LEMD3: variants seen among roughly 807,000 people sequenced by gnomAD.
LEMD3 encodes inner nuclear membrane protein Man1.
A neutral mutation model predicts 95.2 loss-of-function variants in LEMD3; 33 were observed. That is an observed-to-expected ratio of 0.35 (90% CI 0.26 to 0.46). LEMD3 has a LOEUF of 0.46. LEMD3 is among the 20% of genes least tolerant of loss of function. LEMD3 has a pLI of 1.00. For synonymous variants in LEMD3, 525 were observed against 474.6 expected (o/e 1.11, Z -1.38); for missense variants, 1,210 against 1,192.8 (o/e 1.01, Z -0.21).
intron 1 of LEMD3, among the ~76,000 whole-genome samples, chr12:65,183,425 ATAT>A (rs1326096101): frequency 3.9e-5 from 6 of 152,162 alleles, no homozygotes; most frequent in Non-Finnish European, 7.4e-5. Flanking sequence ...TTATGGAGTT[ATAT>A]TATTGGTTTA....
chr12:65,170,535 G>A lies in LEMD3; in HGVS notation c.939G>A (p.Gly313=). Residue 313 remains glycine, a synonymous_variant, in exon 1 of 13, where the codon GGG becomes GGA. Coordinates refer to ENST00000308330, the MANE Select transcript of LEMD3 (RefSeq NM_014319.5). ...GGCTGGAGACTTCAGTTCAGGGAGG[G>A]GGAGGACTCGCGATGAATGACAGGG... is the stretch of plus-strand genomic sequence containing the variant. ...GGRLETSVQG[G]GGLAMNDRAA... is the part of the protein sequence containing the mutation. 2 of 1,614,122 alleles carry A rather than the reference G, an allele frequency of 1.2e-6. No individual in the cohort carries two copies. Among genetic ancestry groups the A allele is most frequent in the South Asian group, 2.2e-5 (2 of 91,082 alleles).
intron 1 of LEMD3, among the ~76,000 whole-genome samples, chr12:65,186,649 TTC>T (rs1491411074): frequency 6.6e-6 from 1 of 151,254 alleles, no homozygotes. Flanking sequence ...TTTTTTTTTT[TTC>T]GACACCTGTT....
At chr12:65,216,298 G>A (rs981065222) in intron 3 of LEMD3, among the ~76,000 whole-genome samples, 2 of 151,586 alleles carry the variant, frequency 1.3e-5, no homozygotes, top group African/African-American at 2.4e-5. Context: ...TTTCTTTATT[G>A]CATCAGTGGT....
chr12:65,218,523 C>G, intron 3 of LEMD3, 29 bp from the exon 4 acceptor site: 3 of 1,475,910 alleles, frequency 2.0e-6, no homozygotes, highest in African/African-American at 1.4e-5. Context: ...AGTACTGATT[C>G]AAAATTAATA....
At chr12:65,195,800 C>G (rs901917665) in intron 1 of LEMD3, among the ~76,000 whole-genome samples, 4 of 152,170 alleles carry the variant, frequency 2.6e-5, no homozygotes, top group Admixed American at 1.3e-4. Context: ...GTCCTTCTCT[C>G]TCTGGTGCAG....
chr12:65,245,527 G>A, intron 10 of LEMD3, 142 bp from the exon 11 acceptor site: 1 of 673,944 alleles, frequency 1.5e-6, no homozygotes, highest in Non-Finnish European at 2.6e-6. Context: ...TAGTCAACAA[G>A]CATTTACTTA....
intron 2 of LEMD3, 32 bp from the exon 3 acceptor site, chr12:65,215,945 G>C (rs1400008741): frequency 4.2e-5 from 32 of 753,482 alleles, no homozygotes; most frequent in Non-Finnish European, 6.4e-5. Context: ...TCTTGTAATT[G>C]GGTATTTCAT....
intron 1 of LEMD3, among the ~76,000 whole-genome samples, chr12:65,208,926 A>G (rs1415073606): frequency 2.0e-5 from 3 of 152,132 alleles, no homozygotes; most frequent in African/African-American, 7.2e-5. Context: ...CAATATTTTC[A>G]GCAAAATTGT....
At chr12:65,204,228 A>G (rs1379453297) in intron 1 of LEMD3, among the ~76,000 whole-genome samples, 1 of 150,522 alleles carries the variant, frequency 6.6e-6, no homozygotes, top group East Asian at 2.0e-4. Flanking sequence ...GTTTTGTTAC[A>G]CAGATAAACG....
At chr12:65,199,623 A>G (rs529792123) in intron 1 of LEMD3, among the ~76,000 whole-genome samples, 68 of 152,268 alleles carry the variant, frequency 4.5e-4, no homozygotes, top group Middle Eastern at 3.4e-3. Flanking sequence ...AAATTGTTAC[A>G]TTACAATGAA....
intron 1 of LEMD3, among the ~76,000 whole-genome samples, chr12:65,207,146 C>T (rs1418539441): frequency 6.6e-6 from 1 of 152,022 alleles, no homozygotes; most frequent in Non-Finnish European, 1.5e-5. Flanking sequence ...CAGCATTATT[C>T]CTGGCGCGTA....
rs1389160394 is a variant in LEMD3, at chr12:65,169,965, G to C, written c.369G>C (p.Gly123=). 27 of 1,463,198 alleles carry C rather than the reference G, an allele frequency of 1.8e-5. No homozygotes were observed. The highest frequency in any genetic ancestry group is 2.4e-5 in the Non-Finnish European group (27 of 1,118,120). The allele number at this position is 1,463,198 out of a possible 1,614,324, so 90.6% of individuals were successfully genotyped here. A position where few individuals can be genotyped will look rare whatever the true frequency, so the allele number is the denominator to read the frequency against. Residue 123 remains glycine, a synonymous_variant, in exon 1 of 13, where the codon GGG becomes GGC. Transcript: ENST00000308330. ...CAGAGAGCCTCCTGGGAGGGCCCGG[G>C]GGCGCCTCCGCCGCCCCCGCGGCTG... is the stretch of plus-strand genomic sequence containing the variant. The part of the protein sequence containing the change: ...SGPESLLGGP[G]GASAAPAAGS...
rs1238707068 is a variant in LEMD3 at position 65,169,816 on chromosome 12, G to A, written c.220G>A (p.Ala74Thr). The A allele has an allele frequency of 3.3e-6, 5 of 1,493,376 alleles. No homozygotes were observed. The highest frequency in any genetic ancestry group is 4.5e-6 in the Non-Finnish European group (5 of 1,119,278). 92.5% of individuals were successfully genotyped at this position (1,493,376 alleles called of 1,614,324 possible). The change falls in exon 1 of 13, where the codon GCC becomes ACC. Residue 74 changes from alanine (A) to threonine (T), a missense_variant. Physicochemically the swap from Ala to Thr is moderately conservative, Grantham distance 58. This residue lies in a region of LEMD3 where 749 missense variants were observed against 622.9 expected (regional missense o/e 1.20). Transcript: ENST00000308330. ...CAGTAATAACAATAACACGGCAGCC[G>A]CCACGGTCGCAGCCGCGGGACCAGC... is the stretch of plus-strand genomic sequence containing the variant. ...RNSNNNNTAA[A>T]TVAAAGPAAA...
chr12:65,194,728 TCTTCCTA>T (rs1869355997), intron 1 of LEMD3, among the ~76,000 whole-genome samples: 1 of 125,484 alleles, frequency 8.0e-6, no homozygotes, highest in East Asian at 3.5e-4. Context: ...GCTCCTCTCA[TCTTCCTA>T]ATTTTGTGGT....
chr12:65,238,428 G>C, intron 4 of LEMD3, 74 bp from the exon 5 acceptor site: 5 of 858,924 alleles, frequency 5.8e-6, no homozygotes, highest in Non-Finnish European at 9.8e-6. Context: ...TATATAGAGT[G>C]TGTTATAAAG....
At chr12:65,212,084 G>A (rs911075911) in intron 2 of LEMD3, among the ~76,000 whole-genome samples, 1 of 152,102 alleles carries the variant, frequency 6.6e-6, no homozygotes, top group African/African-American at 2.4e-5. Flanking sequence ...AGTCGTGGCG[G>A]AAGGTGAAAG....
intron 1 of LEMD3, among the ~76,000 whole-genome samples, chr12:65,190,713 G>T (rs1303634859): frequency 6.6e-6 from 1 of 152,142 alleles, no homozygotes; most frequent in African/African-American, 2.4e-5. Context: ...ACCTCCTGAG[G>T]CTGTGTCATG....
intron 1 of LEMD3, among the ~76,000 whole-genome samples, chr12:65,207,742 A>T (rs12307160): frequency 0.092 from 14,058 of 152,184 alleles, 716 homozygotes; most frequent in East Asian, 0.15. Context: ...CATAAATAGC[A>T]TATCCTTTAT....
intron 1 of LEMD3, among the ~76,000 whole-genome samples, chr12:65,210,219 G>A (rs932812216): frequency 1.3e-5 from 2 of 151,956 alleles, no homozygotes; most frequent in African/African-American, 2.4e-5. Flanking sequence ...GCTTAATACT[G>A]AGACTTAATT....
Sources: allele counts gnomAD v4.1 joint callset (sites outside exome capture counted in the v4.1 genomes callset), GRCh38; gene constraint gnomAD v4.1.1; regional missense constraint gnomAD v4.1.1; transcripts MANE v1.5; gene names NCBI Gene and HGNC (gene_info 2026-07-23, HGNC 2026-07-21).